COL5A1: variants seen among roughly 807,000 people sequenced by gnomAD.
COL5A1 encodes collagen type V alpha 1 chain.
COL5A1 carries 16 observed loss-of-function variants against 263.7 expected under a neutral mutation model. That is an observed-to-expected ratio of 0.06 (90% CI 0.04 to 0.09). The LOEUF (loss-of-function observed/expected upper bound fraction) is 0.09, where lower values mean the gene tolerates loss of function less well. Among genes scored for constraint, COL5A1 ranks in the 10% least tolerant of loss-of-function variants. The pLI is 1.00. For synonymous variants in COL5A1, 1,012 were observed against 1,004.5 expected, an observed-to-expected ratio of 1.01 and a Z score of -0.14; for missense variants, 2,036 against 2,540.5, an observed-to-expected ratio of 0.80 and a Z score of 4.27.
chr9:134,759,426 C>A (rs926075407), intron 18 of COL5A1, among the ~76,000 whole-genome samples: 5 of 115,946 alleles, frequency 4.3e-5, no homozygotes, highest in Admixed American at 2.8e-4. Flanking sequence ...CACACTCATA[C>A]ACACATGCAC....
At chr9:134,768,794 C>T (rs1037301104) in intron 25 of COL5A1, among the ~76,000 whole-genome samples, 6 of 152,348 alleles carry the variant, frequency 3.9e-5, no homozygotes, top group Admixed American at 2.6e-4. Context: ...TCGCTTGCGT[C>T]CCCAGGGTTG....
At chr9:134,670,480 C>T (rs1422496549) in intron 1 of COL5A1, among the ~76,000 whole-genome samples, 1 of 152,204 alleles carries the variant, frequency 6.6e-6, no homozygotes, top group Non-Finnish European at 1.5e-5. Context: ...AAGCCAGTTA[C>T]TTCCCCCTCT....
intron 4 of COL5A1, among the ~76,000 whole-genome samples, chr9:134,725,656 G>A (rs1439094311): frequency 6.6e-6 from 1 of 152,196 alleles, no homozygotes; most frequent in Non-Finnish European, 1.5e-5. Context: ...ATGGTTAGAG[G>A]AAGAAGGAAT....
At chr9:134,751,869 C>CCA (rs1346830408) in intron 13 of COL5A1, among the ~76,000 whole-genome samples, 2 of 152,206 alleles carry the variant, frequency 1.3e-5, no homozygotes. Context: ...GTAGCAAACC[C>CCA]CACTACCTGC....
chr9:134,646,794 G>A (rs1335191084), intron 1 of COL5A1, among the ~76,000 whole-genome samples: 1 of 152,102 alleles, frequency 6.6e-6, no homozygotes, highest in African/African-American at 2.4e-5. Context: ...GATGTGGGAG[G>A]GGACATTCCT....
At chr9:134,708,750 C>T (rs1400254173) in intron 4 of COL5A1, 2 of 482,126 alleles carry the variant, frequency 4.1e-6, no homozygotes, top group Admixed American at 4.4e-5. Flanking sequence ...GGGACTGCTG[C>T]AACCAACTGT....
At chr9:134,688,770 G>A (rs910849665) in intron 1 of COL5A1, among the ~76,000 whole-genome samples, 1 of 152,170 alleles carries the variant, frequency 6.6e-6, no homozygotes, top group African/African-American at 2.4e-5. Flanking sequence ...ATTGGCAGAG[G>A]ACTGCAGCAA....
At chr9:134,774,212 G>A (rs936583307) in intron 26 of COL5A1, among the ~76,000 whole-genome samples, 13 of 152,352 alleles carry the variant, frequency 8.5e-5, no homozygotes, top group African/African-American at 2.6e-4. Context: ...AAGGCAGACC[G>A]GGCCCGGGCC....
chr9:134,767,872 C>T (rs1686632411), intron 24 of COL5A1, among the ~76,000 whole-genome samples: 1 of 152,196 alleles, frequency 6.6e-6, no homozygotes, highest in African/African-American at 2.4e-5. Flanking sequence ...AGCAAAAACA[C>T]CTCCAAGGGG....
intron 42 of COL5A1, among the ~76,000 whole-genome samples, chr9:134,808,345 T>G (rs1838370697): frequency 6.6e-6 from 1 of 152,120 alleles, no homozygotes; most frequent in Non-Finnish European, 1.5e-5. Flanking sequence ...CTGGTCAAAC[T>G]GAGCAAAGCA....
At chr9:134,817,704 G>A in intron 53 of COL5A1, 74 bp from the exon 54 acceptor site, 2 of 1,363,040 alleles carry the variant, frequency 1.5e-6, no homozygotes, top group East Asian at 2.4e-5. Context: ...CACACCCTGA[G>A]CGCCTGCACC....
intron 14 of COL5A1, 106 bp from the exon 15 acceptor site, chr9:134,753,744 C>T (rs545986628): frequency 2.5e-5 from 18 of 707,116 alleles, no homozygotes; most frequent in African/African-American, 1.0e-4. Context: ...GCACCGTGGC[C>T]GAAGCCCTGT....
chr9:134,693,498 A>G (rs1341157095), intron 2 of COL5A1, among the ~76,000 whole-genome samples: 4 of 152,122 alleles, frequency 2.6e-5, no homozygotes, highest in Non-Finnish European at 1.5e-5. Flanking sequence ...ACATAAGCCA[A>G]TTGCCCCATT....
intron 1 of COL5A1, among the ~76,000 whole-genome samples, chr9:134,663,224 C>G (rs760737187): frequency 2.0e-5 from 3 of 152,272 alleles, no homozygotes; most frequent in Non-Finnish European, 4.4e-5. Context: ...CCTGGCCTGA[C>G]CTGGGCTGGC....
chr9:134,831,088 C>T (rs1363009543), intron 64 of COL5A1, among the ~76,000 whole-genome samples: 1 of 152,224 alleles, frequency 6.6e-6, no homozygotes, highest in Admixed American at 6.5e-5. Context: ...AGAAGGCAGC[C>T]CGTGGGTTCT....
At chr9:134,694,266 T>C (rs1010619330) in intron 2 of COL5A1, among the ~76,000 whole-genome samples, 1 of 152,162 alleles carries the variant, frequency 6.6e-6, no homozygotes, top group African/African-American at 2.4e-5. Flanking sequence ...GCTGAGCAGG[T>C]GACTGGGAGC....
chr9:134,806,554 T>C (rs908822343), intron 42 of COL5A1, among the ~76,000 whole-genome samples: 4 of 152,284 alleles, frequency 2.6e-5, no homozygotes, highest in Non-Finnish European at 5.9e-5. Context: ...TGTGGGATGA[T>C]GTTGGGCCGG....
rs1173134223 is a variant in COL5A1 at position 134,678,914 on chromosome 9, C to T, written c.110-11998C>T. On this transcript the variant is annotated intron_variant, in intron 1 of 65. Coordinates refer to ENST00000371817, the MANE Select transcript of COL5A1 (RefSeq NM_000093.5). The surrounding 1 kb of genome is among the most constrained non-coding windows in gnomAD (Gnocchi z 5.5). ...GTGTTACCCCCTGCTGGGGGGCAGG[C>T]GTTAGATCTGTGCAGGGTGAGGCTC... 1.3e-5 allele frequency among the ~76,000 whole-genome samples: 2 copies of T among 152,140 alleles called. No individual in the cohort carries two copies. The highest frequency in any genetic ancestry group is 2.1e-4 in the South Asian group (1 of 4,828).
At chr9:134,687,790 G>C (rs1424636130) in intron 1 of COL5A1, among the ~76,000 whole-genome samples, 1 of 152,176 alleles carries the variant, frequency 6.6e-6, no homozygotes, top group African/African-American at 2.4e-5. Context: ...TAGGAGAAAA[G>C]GGCAAAAGAG....
Sources: gnomAD v4.1 joint callset for allele counts (sites outside exome capture counted in the v4.1 genomes callset) on GRCh38, gnomAD v4.1.1 for gene constraint, Gnocchi (gnomAD v3.1) non-coding constraint, MANE v1.5 for transcripts, NCBI Gene and HGNC (gene_info 2026-07-23, HGNC 2026-07-21) for gene names.